ASB2: variants seen among roughly 807,000 people sequenced by gnomAD.
ASB2 encodes the protein ankyrin repeat and SOCS box protein 2.
Under a neutral mutation model 62.4 loss-of-function variants are expected in ASB2, and 58 were observed. The ratio of observed to expected loss-of-function variants is 0.93; its 90% CI spans 0.75 to 1.16. The LOEUF is 1.16. Ranked by LOEUF, ASB2 falls within the 50% of genes most tolerant of loss-of-function variation. The pLI is 0.00. For synonymous variants in ASB2, 386 were observed against 385.3 expected, an observed-to-expected ratio of 1.00 and a Z score of -0.02; for missense variants, 928 against 887.9, an observed-to-expected ratio of 1.05 and a Z score of -0.57.
chr14:93,950,128 C>A (rs12879474), intron 6 of ASB2, among the ~76,000 whole-genome samples: 27,506 of 152,162 alleles, frequency 0.18, 2,478 homozygotes, highest in Middle Eastern at 0.22. Flanking sequence ...TACTACCTAC[C>A]ACATGGGGCT....
intron 7 of ASB2, chr14:93,941,096 A>G (rs1303873194): frequency 6.5e-6 from 1 of 152,684 alleles, no homozygotes; most frequent in Non-Finnish European, 1.5e-5. Context: ...TCTTTTTAAC[A>G]GATGTGGCTC....
At chr14:93,969,564 G>A (rs533362189) in intron 1 of ASB2, among the ~76,000 whole-genome samples, 6 of 152,266 alleles carry the variant, frequency 3.9e-5, no homozygotes, top group Admixed American at 1.3e-4. Flanking sequence ...GGGGTTGGGC[G>A]GCCTTCTGGG....
chr14:93,956,134 G>T (rs1889191071), intron 3 of ASB2, among the ~76,000 whole-genome samples: 1 of 152,156 alleles, frequency 6.6e-6, no homozygotes, highest in African/African-American at 2.4e-5. Context: ...TGCTTCCGGG[G>T]TCACTATTCC....
At chr14:93,953,063 C>G (rs1311786601) in intron 5 of ASB2, among the ~76,000 whole-genome samples, 1 of 152,200 alleles carries the variant, frequency 6.6e-6, no homozygotes, top group Non-Finnish European at 1.5e-5. Flanking sequence ...CCTGCCAAGC[C>G]CTTTCCTGCT....
At chr14:93,966,895 T>A (rs1258075430) in intron 1 of ASB2, among the ~76,000 whole-genome samples, 1 of 152,076 alleles carries the variant, frequency 6.6e-6, no homozygotes, top group East Asian at 1.9e-4. Flanking sequence ...CTCAATGAGA[T>A]TAATATGTCA....
intron 8 of ASB2, 93 bp downstream of exon 8, chr14:93,939,015 G>A (rs1212251179): frequency 2.0e-5 from 24 of 1,182,736 alleles, no homozygotes; most frequent in Non-Finnish European, 2.2e-6. Flanking sequence ...CAAGGAGCGC[G>A]AACCACCCGG....
At chr14:93,957,001 A>G (rs987716055) in intron 2 of ASB2, 131 bp from the exon 3 acceptor site, 2 of 1,544,392 alleles carry the variant, frequency 1.3e-6, no homozygotes, top group African/African-American at 2.7e-5. Context: ...AGGGCTCTGA[A>G]CCAAAGCAGA....
At chr14:93,940,398 C>CA (rs1888471026) in intron 7 of ASB2, 1 of 152,254 alleles carries the variant, frequency 6.6e-6, no homozygotes, top group East Asian at 1.9e-4. Flanking sequence ...ATAGGGGAAC[C>CA]AGGGTGTGTG....
At chr14:93,945,656 C>T (rs964638833) in intron 7 of ASB2, among the ~76,000 whole-genome samples, 1 of 152,134 alleles carries the variant, frequency 6.6e-6, no homozygotes, top group African/African-American at 2.4e-5. Context: ...GCTGTGCTGT[C>T]CAGAAAAGGC....
rs531440112 is a variant in ASB2 at position 93,957,637 on chromosome 14, G to C, written c.207-767C>G. Among the ~76,000 whole-genome samples, 6 of 152,268 alleles carry C rather than the reference G, an allele frequency of 3.9e-5. 1 individual carries two copies. The South Asian group carries it at 1.0e-3, about 26-fold the overall frequency. ...CCTGAGTAAGTGAATGGTGTGAGGA[G>C]CTTAGTGGAGTGTGAGGCACAGAGG... On this transcript the variant is annotated intron_variant, in intron 2 of 9. Transcript: ENST00000555019.
chr14:93,952,854 A>G (rs1889021680), intron 5 of ASB2, among the ~76,000 whole-genome samples: 1 of 152,260 alleles, frequency 6.6e-6, no homozygotes, highest in Admixed American at 6.5e-5. Context: ...CAGCCAACAA[A>G]TGTCCATGGA....
At chr14:93,952,065 A>G (rs56091487) in intron 5 of ASB2, among the ~76,000 whole-genome samples, 2,146 of 152,246 alleles carry the variant, frequency 0.014, 48 homozygotes, top group African/African-American at 0.046. Context: ...GGAGTGAGGA[A>G]TGGGTCAGGG....
Position 93,939,601 on chromosome 14 carries a change from A to C in ASB2, c.1124T>G (p.Leu375Arg). ...CTCGTCGTGGTTGCGCTCGGCCGCC[A>C]GGTGCAGCGGACTGACGCCGCTACG... is the stretch of plus-strand genomic sequence containing the variant. ...IRRSGVSPLH[L>R]AAERNHDEVL... is the part of the protein sequence containing the mutation. Residue 375 changes from leucine to arginine, a missense_variant, in exon 8 of 10, where the codon CTG becomes CGG. Physicochemically the swap from Leu to Arg is moderately radical, Grantham distance 102. Coordinates refer to ENST00000555019, the MANE Select transcript of ASB2 (RefSeq NM_001202429.2). 6.4e-7 allele frequency: 1 copy of C among 1,566,050 alleles called. No homozygotes were observed. The highest frequency in any genetic ancestry group is 8.6e-7 in the Non-Finnish European group (1 of 1,162,094).
chr14:93,961,257 G>T (rs1424803584), intron 2 of ASB2, among the ~76,000 whole-genome samples: 1 of 152,230 alleles, frequency 6.6e-6, no homozygotes, highest in Non-Finnish European at 1.5e-5. Flanking sequence ...TAAAGATGAG[G>T]CCACTGGGGC....
At chr14:93,974,206 T>G (rs542577011) in intron 1 of ASB2, 1 of 152,368 alleles carries the variant, frequency 6.6e-6, no homozygotes, top group Admixed American at 6.5e-5. Context: ...TCCTCTCTCC[T>G]TTTTTACTCC....
chr14:93,967,263 C>T (rs1889622212), intron 1 of ASB2, among the ~76,000 whole-genome samples: 1 of 152,240 alleles, frequency 6.6e-6, no homozygotes, highest in South Asian at 2.1e-4. Flanking sequence ...GGCTGGGGTC[C>T]CTGCCAGGTC....
intron 7 of ASB2, among the ~76,000 whole-genome samples, chr14:93,942,898 A>AT (rs1888583191): frequency 6.6e-6 from 1 of 152,282 alleles, no homozygotes; most frequent in South Asian, 2.1e-4. Flanking sequence ...GCTACCCTTT[A>AT]TTGAGCTCCA....
At chr14:93,944,394 AC>A (rs1284766112) in intron 7 of ASB2, among the ~76,000 whole-genome samples, 1 of 152,226 alleles carries the variant, frequency 6.6e-6, no homozygotes, top group African/African-American at 2.4e-5. Flanking sequence ...CCCGCATGTC[AC>A]CCCTTGCGGT....
intron 1 of ASB2, among the ~76,000 whole-genome samples, chr14:93,965,827 CACATG>C (rs1308057504): frequency 1.1e-4 from 16 of 152,236 alleles, no homozygotes; most frequent in Non-Finnish European, 1.5e-5. Context: ...GTCAAGGATA[CACATG>C]ACAAGTATGT....
Sources: gnomAD v4.1 joint callset for allele counts (sites outside exome capture counted in the v4.1 genomes callset) on GRCh38, gnomAD v4.1.1 for gene constraint, MANE v1.5 for transcripts, NCBI Gene and HGNC (gene_info 2026-07-23, HGNC 2026-07-21) for gene names.